The following ZNF277 variants were observed in gnomAD, a reference collection of about 807,000 sequenced individuals.
The protein encoded by ZNF277 is zinc finger protein 277.
A neutral mutation model predicts 60.7 loss-of-function variants in ZNF277; 55 were observed. The observed-to-expected ratio is 0.91, with a 90% CI of 0.73 to 1.13. ZNF277 has a LOEUF of 1.13. ZNF277 is among the 50% of genes most tolerant of loss of function. ZNF277 has a pLI of 0.00. For synonymous variants in ZNF277, 178 were observed against 179.3 expected (o/e 0.99, Z 0.06); for missense variants, 510 against 523.0 (o/e 0.98, Z 0.24).
intron 1 of ZNF277, among the ~76,000 whole-genome samples, chr7:112,248,506 G>A (rs1563203570): frequency 6.6e-6 from 1 of 151,776 alleles, no homozygotes; most frequent in Non-Finnish European, 1.5e-5. Flanking sequence ...TTATAATAAT[G>A]CATTTATAAT....
chr7:112,288,747 A>G (rs1792129556), intron 2 of ZNF277: 1 of 156,456 alleles, frequency 6.4e-6, no homozygotes, highest in South Asian at 2.1e-4. Context: ...ATGCCTCCCA[A>G]AGCTGTGTTC....
chr7:112,233,456 C>T (rs1234431622), intron 1 of ZNF277, among the ~76,000 whole-genome samples: 2 of 152,192 alleles, frequency 1.3e-5, no homozygotes, highest in Non-Finnish European at 2.9e-5. Flanking sequence ...ATTTTATCAT[C>T]TCAACTACTT....
intron 1 of ZNF277, among the ~76,000 whole-genome samples, chr7:112,265,091 G>A (rs542442252): frequency 6.6e-6 from 1 of 152,202 alleles, no homozygotes; most frequent in Non-Finnish European, 1.5e-5. Context: ...TATCATTTGT[G>A]CGTTCAGTGG....
At chr7:112,296,903 TATTTATTTA>T (rs1792353603) in intron 4 of ZNF277, among the ~76,000 whole-genome samples, 2 of 64,298 alleles carry the variant, frequency 3.1e-5, no homozygotes, top group South Asian at 4.9e-4. Context: ...TTTATTTATT[TATTTATTTA>T]TTTTTTTTTT....
chr7:112,250,643 A>AACC lies in ZNF277; in HGVS notation c.92-36229_92-36227dup, dbSNP rs547562279. On this transcript the variant is annotated intron_variant, in intron 1 of 11. Transcript: ENST00000361822. ...CCAACGCTTCAGGAAAATAGAAAAG[A>AACC]ACCTACATGAATATCGGGGCAGGTT... 9.8e-5 allele frequency among the ~76,000 whole-genome samples: 15 copies of AACC among 152,300 alleles called. 1 individual carries two copies. The highest frequency in any genetic ancestry group is 9.8e-4 in the Admixed American group (15 of 15,290).
intron 1 of ZNF277, among the ~76,000 whole-genome samples, chr7:112,211,994 T>A (rs1253255987): frequency 1.3e-5 from 2 of 152,190 alleles, no homozygotes; most frequent in African/African-American, 4.8e-5. Context: ...GCAGAGGAAC[T>A]GAAGTAGAAT....
chr7:112,232,042 C>CAT (rs67934905), intron 1 of ZNF277, among the ~76,000 whole-genome samples: 2,631 of 132,312 alleles, frequency 0.02, 55 homozygotes, highest in African/African-American at 0.052. Context: ...TAAATAAATA[C>CAT]ATATATATAT....
rs750882051 is a variant in ZNF277, at chr7:112,286,897, C to T, written c.116C>T (p.Pro39Leu). ...YGDSKDCILE[P>L]LSLPESPGGT... ...GACAGTAAGGATTGTATCCTGGAGC[C>T]GCTTTCCCTGCCAGAAAGTCCAGGT... Residue 39 changes from proline (P) to leucine (L), a missense_variant, in exon 2 of 12, where the codon CCG becomes CTG. By Grantham distance (98) the Pro-to-Leu change is moderately conservative (BLOSUM62 -3). Transcript: ENST00000361822. 7.0e-6 allele frequency: 11 copies of T among 1,577,218 alleles called. No individual in the cohort carries two copies. In the Admixed American group the frequency reaches 1.1e-4, roughly 15 times the overall value.
chr7:112,214,972 G>A (rs1352972670), intron 1 of ZNF277, among the ~76,000 whole-genome samples: 1 of 152,068 alleles, frequency 6.6e-6, no homozygotes, highest in Non-Finnish European at 1.5e-5. Flanking sequence ...AAAAAAAAAT[G>A]ATGTTGATAT....
chr7:112,308,336 G>A (rs1384743109), intron 4 of ZNF277, among the ~76,000 whole-genome samples: 2 of 151,808 alleles, frequency 1.3e-5, no homozygotes, highest in Non-Finnish European at 2.9e-5. Context: ...CCAACATAGC[G>A]AAACCCCTTC....
chr7:112,238,073 A>G (rs1790848156), intron 1 of ZNF277, among the ~76,000 whole-genome samples: 1 of 152,200 alleles, frequency 6.6e-6, no homozygotes, highest in Non-Finnish European at 1.5e-5. Context: ...CTATCCACAC[A>G]AGAAAGCACC....
Position 112,314,785 on chromosome 7 carries a change from G to A in ZNF277, c.466-3397G>A, listed in dbSNP as rs1033868309. ...CACTCCAGCCTGGCTGACAGAGTGA[G>A]ACTCTGTCTCAAAAAACAAAACAAA... On this transcript the variant is annotated intron_variant, in intron 4 of 11. Coordinates refer to ENST00000361822, the MANE Select transcript of ZNF277 (RefSeq NM_021994.3). 2.6e-5 allele frequency among the ~76,000 whole-genome samples: 4 copies of A among 152,048 alleles called. 1 individual carries two copies. Among genetic ancestry groups the A allele is most frequent in the Non-Finnish European group, 4.4e-5 (3 of 68,000 alleles).
At chr7:112,240,236 A>T (rs1421178402) in intron 1 of ZNF277, among the ~76,000 whole-genome samples, 1 of 152,152 alleles carries the variant, frequency 6.6e-6, no homozygotes, top group Non-Finnish European at 1.5e-5. Flanking sequence ...TAATAAAATG[A>T]CGGGATATCA....
chr7:112,224,840 G>A (rs1473236168), intron 1 of ZNF277, among the ~76,000 whole-genome samples: 2 of 152,072 alleles, frequency 1.3e-5, no homozygotes, highest in East Asian at 3.9e-4. Flanking sequence ...GTTATTAAAA[G>A]TCCTGAAAAA....
chr7:112,211,089 G>A (rs1298630388), intron 1 of ZNF277, among the ~76,000 whole-genome samples: 1 of 152,082 alleles, frequency 6.6e-6, no homozygotes, highest in Non-Finnish European at 1.5e-5. Context: ...GCTAATGCTT[G>A]GATTCTGGAC....
Position 112,339,855 on chromosome 7 carries a change from T to C in ZNF277, c.979T>C (p.Phe327Leu), listed in dbSNP as rs769635290. ...ATTCCTTTTTTAGGATGCACACGAA[T>C]TTGATCTTCTCAAAATAAAGTCAGA... ...LYVHMEDAHE[F>L]DLLKIKSELG... Residue 327 changes from phenylalanine to leucine, a missense_variant, in exon 10 of 12, where the codon TTT (phenylalanine) becomes CTT (leucine). By Grantham distance (22) the Phe-to-Leu change is conservative. Transcript: ENST00000361822. 2.5e-6 allele frequency: 4 copies of C among 1,611,960 alleles called. No homozygotes were observed. The East Asian group carries it at 8.9e-5, about 36-fold the overall frequency.
intron 9 of ZNF277, among the ~76,000 whole-genome samples, chr7:112,338,721 T>C (rs934842040): frequency 6.6e-5 from 10 of 152,254 alleles, no homozygotes; most frequent in African/African-American, 2.4e-4. Context: ...AGTATGTGTG[T>C]ATAATTTCCT....
chr7:112,334,590 A>G (rs1005333241), intron 7 of ZNF277, among the ~76,000 whole-genome samples: 5 of 152,152 alleles, frequency 3.3e-5, no homozygotes, highest in African/African-American at 1.2e-4. Flanking sequence ...TGTGGCCTAG[A>G]TAACTCTCTA....
At chr7:112,312,063 G>C (rs1309474675) in intron 4 of ZNF277, among the ~76,000 whole-genome samples, 2 of 152,072 alleles carry the variant, frequency 1.3e-5, no homozygotes, top group Non-Finnish European at 2.9e-5. Context: ...TGTCTATAAT[G>C]CCCAGGGGAG....
Sources: gnomAD v4.1 joint callset for allele counts (sites outside exome capture counted in the v4.1 genomes callset) on GRCh38, gnomAD v4.1.1 for gene constraint, MANE v1.5 for transcripts, NCBI Gene and HGNC (gene_info 2026-07-23, HGNC 2026-07-21) for gene names.